TINAGL1: variants seen among roughly 807,000 people sequenced by gnomAD.
The protein encoded by TINAGL1 is tubulointerstitial nephritis antigen like 1, also known as tubulointerstitial nephritis antigen-like.
Under a neutral mutation model 62.0 loss-of-function variants are expected in TINAGL1, and 34 were observed. The ratio of observed to expected loss-of-function variants is 0.55; its 90% CI spans 0.42 to 0.73. The LOEUF (loss-of-function observed/expected upper bound fraction) is 0.73, where lower values mean the gene tolerates loss of function less well. Among genes scored for constraint, TINAGL1 ranks in the 30% least tolerant of loss-of-function variants. The pLI is 0.00. For synonymous variants in TINAGL1, 221 were observed against 249.7 expected (o/e 0.88, Z 1.08); for missense variants, 516 against 653.2 (o/e 0.79, Z 2.29).
At chr1:31,581,407 G>A (rs1292675782) in intron 3 of TINAGL1, among the ~76,000 whole-genome samples, 1 of 152,128 alleles carries the variant, frequency 6.6e-6, no homozygotes, top group Non-Finnish European at 1.5e-5. Flanking sequence ...CGAGAGGTAG[G>A]TGGATTCCTC....
chr1:31,586,569 G>A, intron 10 of TINAGL1, 141 bp from the exon 11 acceptor site: 3 of 914,254 alleles, frequency 3.3e-6, no homozygotes, highest in South Asian at 2.8e-5. Context: ...ATGCAGAGAG[G>A]TACAGAGACC....
chr1:31,585,924 T>C lies in TINAGL1; in HGVS notation c.1217+48T>C. On this transcript the variant is annotated intron_variant, in intron 10 of 11. Transcript: ENST00000271064. The surrounding 1 kb of genome is among the most constrained non-coding windows in gnomAD (Gnocchi z 4.3). ...GGGTTTGGGACAGCAGGGTTTGTGC[T>C]AGGGGCTCTGGAGCCTGCCTTGGGT... The C allele has an allele frequency of 6.5e-7, 1 of 1,527,202 alleles. No individual in the cohort carries two copies. Among genetic ancestry groups the C allele is most frequent in the African/African-American group, 1.4e-5 (1 of 72,568 alleles). 94.6% of individuals were successfully genotyped at this position (1,527,202 alleles called of 1,614,324 possible).
chr1:31,579,773 C>A (rs915840778), intron 3 of TINAGL1: 18 of 161,538 alleles, frequency 1.1e-4, no homozygotes, highest in South Asian at 3.6e-4. Flanking sequence ...GTCATGGGTA[C>A]CCCCCTATTC....
intron 2 of TINAGL1, among the ~76,000 whole-genome samples, chr1:31,578,806 G>A (rs1267862855): frequency 3.1e-5 from 4 of 130,830 alleles, no homozygotes; most frequent in Non-Finnish European, 4.8e-5. Context: ...TTCAGTTATA[G>A]TTTAATTTCA....
intron 3 of TINAGL1, 129 bp downstream of exon 3, chr1:31,579,396 TC>T: frequency 5.2e-6 from 4 of 764,924 alleles, no homozygotes; most frequent in Non-Finnish European, 4.5e-6. Flanking sequence ...AGTTTCCTCA[TC>T]TGCAATAGAG....
intron 3 of TINAGL1, among the ~76,000 whole-genome samples, chr1:31,579,540 C>T (rs1364528402): frequency 1.3e-5 from 2 of 152,210 alleles, no homozygotes; most frequent in South Asian, 4.1e-4. Flanking sequence ...CTGGCTTGGG[C>T]TGGGCTATTC....
intron 3 of TINAGL1, chr1:31,580,591 CA>C (rs989538128): frequency 3.1e-6 from 4 of 1,289,096 alleles, no homozygotes; most frequent in Non-Finnish European, 4.0e-6. Flanking sequence ...CCCTCCCCAG[CA>C]GTGCCCCCGC....
chr1:31,576,883 C>T lies in TINAGL1; in HGVS notation c.-15-251C>T, dbSNP rs561099715. Reference sequence around the variant, plus strand: ...TGTTGGGTGGGAGCACCAAGAATGCCACCACCCTCATTTCCTTGTCCTTGA... The same window carrying T: ...TGTTGGGTGGGAGCACCAAGAATGCTACCACCCTCATTTCCTTGTCCTTGA... On this transcript the variant is annotated intron_variant, in intron 1 of 11. Transcript: ENST00000271064. The surrounding 1 kb of genome is among the most constrained non-coding windows in gnomAD (Gnocchi z 5.1). 6.6e-6 allele frequency among the ~76,000 whole-genome samples: 1 copy of T among 152,222 alleles called. No homozygotes were observed. Among genetic ancestry groups the T allele is most frequent in the East Asian group, 1.9e-4 (1 of 5,166 alleles).
Position 31,577,583 on chromosome 1 carries a change from C to G in TINAGL1, c.310+125C>G. 9.3e-7 allele frequency: 1 copy of G among 1,070,458 alleles called. No individual in the cohort carries two copies. Among genetic ancestry groups the G allele is most frequent in the South Asian group, 1.6e-5 (1 of 61,542 alleles). The allele number at this position is 1,070,458 out of a possible 1,614,324, so 66.3% of individuals were successfully genotyped here. ...AAGCTCTGTAGAATCTGGGACTCTT[C>G]CCTGCCCCTCTGGGAACTTTACTCT... On this transcript the variant is annotated intron_variant, in intron 2 of 11. Coordinates refer to ENST00000271064, the MANE Select transcript of TINAGL1 (RefSeq NM_022164.3). This position sits in a 1 kb window ranked among gnomAD's most constrained non-coding sequence, Gnocchi z 5.4.
intron 2 of TINAGL1, 60 bp from the exon 3 acceptor site, chr1:31,579,144 G>A (rs374694195): frequency 1.9e-5 from 27 of 1,416,762 alleles, no homozygotes; most frequent in African/African-American, 2.8e-5. Context: ...CCAAGGACCT[G>A]GCCAATTAGC....
rs1639295327 is a variant in TINAGL1 at position 31,583,296 on chromosome 1, T to C, written c.467+55T>C. The C allele has an allele frequency of 1.9e-6, 3 of 1,575,450 alleles. No individual in the cohort carries two copies. Among genetic ancestry groups the C allele is most frequent in the Non-Finnish European group, 2.6e-6 (3 of 1,145,384 alleles). ...GCACACATGCATACTCATGCATGTATACACGCATGCTGTGCTGTGGGGCAC... is the reference window on the plus strand; with the variant it reads ...GCACACATGCATACTCATGCATGTACACACGCATGCTGTGCTGTGGGGCAC... On this transcript the variant is annotated intron_variant, in intron 4 of 11. Coordinates refer to ENST00000271064, the MANE Select transcript of TINAGL1 (RefSeq NM_022164.3). This position sits in a 1 kb window ranked among gnomAD's most constrained non-coding sequence, Gnocchi z 4.4.
chr1:31,580,560 C>G (rs756666430), intron 3 of TINAGL1: 1 of 1,289,284 alleles, frequency 7.8e-7, no homozygotes, highest in Middle Eastern at 2.1e-4. Flanking sequence ...AAAGCCTTCC[C>G]GGCCCTGCAG....
rs896773266 is a variant in TINAGL1 at position 31,577,626 on chromosome 1, G to A, written c.310+168G>A. ...TTTACTCTCCAGCAAGACTGAAGAA[G>A]CTCCTTGGTTAGAATTCTAATTTGG... On this transcript the variant is annotated intron_variant, in intron 2 of 11. Transcript: ENST00000271064. The surrounding 1 kb of genome is among the most constrained non-coding windows in gnomAD (Gnocchi z 5.4). The A allele has an allele frequency of 4.0e-6, 3 of 742,972 alleles. No homozygotes were observed. Among genetic ancestry groups the A allele is most frequent in the Non-Finnish European group, 2.1e-6 (1 of 475,488 alleles). 46.0% of individuals were successfully genotyped at this position (742,972 alleles called of 1,614,324 possible).
Position 31,585,619 on chromosome 1 carries a change from C to A in TINAGL1, c.1093+134C>A. 1.3e-6 allele frequency: 2 copies of A among 1,532,224 alleles called. No individual in the cohort carries two copies. The highest frequency in any genetic ancestry group is 4.0e-5 in the Admixed American group (2 of 49,774). The allele number at this position is 1,532,224 out of a possible 1,614,324, so 94.9% of individuals were successfully genotyped here. On this transcript the variant is annotated intron_variant, in intron 9 of 11. Transcript: ENST00000271064. This position sits in a 1 kb window ranked among gnomAD's most constrained non-coding sequence, Gnocchi z 4.3. ...CAGGAGTAGGGGTCCCCCCCTCCCA[C>A]AGGCAGCACCTGGAGGGAGCACTTA... is the stretch of plus-strand genomic sequence containing the variant.
rs762281705 is a variant in TINAGL1, at chr1:31,583,331, G to A, written c.467+90G>A. 419 of 1,503,722 alleles carry A rather than the reference G, an allele frequency of 2.8e-4. No homozygotes were observed. The highest frequency in any genetic ancestry group is 3.6e-4 in the Non-Finnish European group (391 of 1,086,336). 93.1% of individuals were successfully genotyped at this position (1,503,722 alleles called of 1,614,324 possible). ...CTGTGCTGTGGGGCACGTCCAGCAG[G>A]CCACTCCTACACCCAGATTTGACTG... On this transcript the variant is annotated intron_variant, in intron 4 of 11. Transcript: ENST00000271064. This position sits in a 1 kb window ranked among gnomAD's most constrained non-coding sequence, Gnocchi z 4.4.
Position 31,586,957 on chromosome 1 carries a change from TG to T in TINAGL1, c.1384del (p.Glu462ArgfsTer21). 2 of 1,530,362 alleles carry T rather than the reference TG, an allele frequency of 1.3e-6. No homozygotes were observed. The highest frequency in any genetic ancestry group is 1.7e-6 in the Non-Finnish European group (2 of 1,142,884). 94.8% of individuals were successfully genotyped at this position (1,530,362 alleles called of 1,614,324 possible). ...CTGGGCGTCTGGGGCCGCGTGGGCA[TG>T]GAGGACATGGGTCATCACTGAGGCT... ...FVLGVWGRVG[M>X]EDMGHH On this transcript the variant is annotated frameshift_variant, in exon 12 of 12. Coordinates refer to ENST00000271064, the MANE Select transcript of TINAGL1 (RefSeq NM_022164.3). LOFTEE classifies it high-confidence loss of function.
At position 31,583,154 on chromosome 1, in the gene TINAGL1, G is replaced by T; in HGVS notation, c.380G>T (p.Cys127Phe). 6.2e-7 allele frequency: 1 copy of T among 1,614,096 alleles called. No individual in the cohort carries two copies. The highest frequency in any genetic ancestry group is 8.5e-7 in the Non-Finnish European group (1 of 1,179,998). ...TYWDNCNRCT[C>F]QENRQWQCDQ... The stretch of plus-strand genomic sequence containing the variant: ...TTCTCTCCTTTTCTCACCAGCACCT[G>T]CCAGGAGAACAGGCAGTGGCAGTGT... The change falls in exon 4 of 12, where the codon TGC becomes TTC. Residue 127 changes from cysteine (C) to phenylalanine (F), a missense_variant. By Grantham distance (205) the Cys-to-Phe change is radical (BLOSUM62 -2). Coordinates refer to ENST00000271064, the MANE Select transcript of TINAGL1 (RefSeq NM_022164.3). The surrounding 1 kb of genome is among the most constrained non-coding windows in gnomAD (Gnocchi z 4.4).
Position 31,584,702 on chromosome 1 carries a change from C to A in TINAGL1, c.607C>A (p.Leu203Ile). 3 of 1,613,958 alleles carry A rather than the reference C, an allele frequency of 1.9e-6. No homozygotes were observed. The East Asian group carries it at 6.7e-5, about 36-fold the overall frequency. The change falls in exon 6 of 12, where the codon CTT becomes ATT. Residue 203 changes from leucine (L) to isoleucine (I), a missense_variant. Transcript: ENST00000271064. The surrounding 1 kb of genome is among the most constrained non-coding windows in gnomAD (Gnocchi z 4.0). ...GACAGTGCTGAACCCAGGGGAGGTGCTTCCCACAGCCTTCGAGGCCTCTGA... is the reference window on the plus strand; with the variant it reads ...GACAGTGCTGAACCCAGGGGAGGTGATTCCCACAGCCTTCGAGGCCTCTGA... ...IYTVLNPGEV[L>I]PTAFEASEKW...
In TINAGL1 at chr1:31,586,472, A is replaced by G. The variant is rs889963763; in HGVS notation, c.1218-238A>G. On this transcript the variant is annotated intron_variant, in intron 10 of 11. Transcript: ENST00000271064. ...ACCCAGGTTCCCTCCTCTTCTGCTCACCTTGCCTCCACTTGTCCCCTTGGT... is the reference window on the plus strand; with the variant it reads ...ACCCAGGTTCCCTCCTCTTCTGCTCGCCTTGCCTCCACTTGTCCCCTTGGT... 6.5e-5 allele frequency: 39 copies of G among 600,740 alleles called. No homozygotes were observed. The Admixed American group carries it at 1.1e-3, about 16-fold the overall frequency. 37.2% of individuals were successfully genotyped at this position (600,740 alleles called of 1,614,324 possible).
Sources: allele counts gnomAD v4.1 joint callset (sites outside exome capture counted in the v4.1 genomes callset), GRCh38; gene constraint gnomAD v4.1.1; non-coding constraint Gnocchi (gnomAD v3.1); transcripts MANE v1.5; gene names NCBI Gene and HGNC (gene_info 2026-07-23, HGNC 2026-07-21).